The following KCTD1 variants were observed in gnomAD, a reference collection of about 807,000 sequenced individuals.
KCTD1 encodes the protein potassium channel tetramerization domain containing 1.
A neutral mutation model predicts 66.0 loss-of-function variants in KCTD1; 24 were observed. The ratio of observed to expected loss-of-function variants is 0.36; its 90% CI spans 0.26 to 0.51. KCTD1 has a LOEUF of 0.51. KCTD1 is among the 20% of genes least tolerant of loss of function. The pLI, the probability that KCTD1 is intolerant of heterozygous loss-of-function variation, is 0.95. For missense variants in KCTD1, 943 were observed against 1,205.2 expected (o/e 0.78, Z 3.22); for synonymous variants, 511 against 517.2 (o/e 0.99, Z 0.16).
chr18:26,556,856 C>T (rs867966295), intron 1 of KCTD1, among the ~76,000 whole-genome samples: 2 of 152,158 alleles, frequency 1.3e-5, no homozygotes, highest in Non-Finnish European at 2.9e-5. Flanking sequence ...TTTCCACTGC[C>T]TAGAGAAAAC....
intron 1 of KCTD1, among the ~76,000 whole-genome samples, chr18:26,512,173 G>A (rs1264413269): frequency 6.6e-6 from 1 of 151,966 alleles, no homozygotes; most frequent in East Asian, 1.9e-4. Flanking sequence ...GCGCGATCTT[G>A]GCTTACTGCA....
chr18:26,647,752 C>G (rs1472637651), intron 1 of KCTD1, among the ~76,000 whole-genome samples: 1 of 152,002 alleles, frequency 6.6e-6, no homozygotes, highest in East Asian at 1.9e-4. Flanking sequence ...TTTCTTTGAC[C>G]ATTGTGAGTT....
At chr18:26,500,089 C>T (rs116318985) in intron 2 of KCTD1, among the ~76,000 whole-genome samples, 1,841 of 151,948 alleles carry the variant, frequency 0.012, 35 homozygotes, top group African/African-American at 0.042. Context: ...TGAGACCAGT[C>T]TGGGCAACAT....
chr18:26,518,307 T>A (rs1396557511), intron 1 of KCTD1, among the ~76,000 whole-genome samples: 1 of 152,204 alleles, frequency 6.6e-6, no homozygotes, highest in Non-Finnish European at 1.5e-5. Context: ...GCTATAATTT[T>A]TTTTTTTTTG....
chr18:26,553,241 T>A (rs1442155735), upstream of KCTD1, among the ~76,000 whole-genome samples: 4 of 152,294 alleles, frequency 2.6e-5, no homozygotes, highest in East Asian at 7.7e-4. Context: ...CCACCACTCC[T>A]GTCTCAGAGT....
intron 1 of KCTD1, among the ~76,000 whole-genome samples, chr18:26,529,106 C>T (rs942901961): frequency 4.6e-5 from 7 of 152,286 alleles, no homozygotes; most frequent in African/African-American, 1.7e-4. Flanking sequence ...CTAAAGCAGA[C>T]CCATCACAGC....
Position 26,548,315 on chromosome 18 carries a change from G to T in KCTD1, c.222C>A (p.Asp74Glu). 1 of 1,472,982 alleles carries T rather than the reference G, an allele frequency of 6.8e-7. No individual in the cohort carries two copies. The highest frequency in any genetic ancestry group is 2.3e-4 in the Middle Eastern group (1 of 4,314). The allele number at this position is 1,472,982 out of a possible 1,614,324, so 91.2% of individuals were successfully genotyped here. A position where few individuals can be genotyped will look rare whatever the true frequency, so the allele number is the denominator to read the frequency against. ...DEIQEVQITGDEEEEEDGGGG... is the reference protein window; with the variant it reads ...DEIQEVQITGEEEEEEDGGGG... ...CACCTCCGTCCTCCTCCTCCTCCTC[G>T]TCCCCCGTTATCTGCACCTCCTGGA... The change falls in exon 1 of 5, where the codon GAC (aspartate) becomes GAA (glutamate). Residue 74 changes from aspartate to glutamate, a missense_variant. Transcript: ENST00000580059.
chr18:26,599,328 C>T (rs1240580198), intron 1 of KCTD1: 3 of 1,311,408 alleles, frequency 2.3e-6, no homozygotes, highest in African/African-American at 3.0e-5. Flanking sequence ...GGGGGAGAAG[C>T]CGGGAGCGAG....
At chr18:26,615,987 C>T (rs141859383) in intron 1 of KCTD1, among the ~76,000 whole-genome samples, 3,058 of 152,126 alleles carry the variant, frequency 0.02, 77 homozygotes, top group African/African-American at 0.06. Flanking sequence ...GATGGGGTTT[C>T]ACCATGTTGG....
Position 26,614,124 on chromosome 18 carries a change from T to C in KCTD1, c.-16+15023A>G, listed in dbSNP as rs570312805. On this transcript the variant is annotated intron_variant, in intron 1 of 4. Coordinates refer to the KCTD1 transcript ENST00000317932. ...GTTGATCTAACACACATGTGTTTAT[T>C]TATCATCTATCCTCTTCTCCTAGTC... Among the ~76,000 whole-genome samples, 227 of 152,384 alleles carry C rather than the reference T, an allele frequency of 1.5e-3. 1 individual carries two copies. The highest frequency in any genetic ancestry group is 2.4e-3 in the Non-Finnish European group (164 of 68,042).
intron 1 of KCTD1, among the ~76,000 whole-genome samples, chr18:26,521,142 C>A (rs1241893496): frequency 2.6e-5 from 4 of 152,210 alleles, no homozygotes; most frequent in Non-Finnish European, 5.9e-5. Flanking sequence ...AACCTCAGGG[C>A]CCTGAAGGGT....
chr18:26,508,002 G>GA (rs1030865787), intron 1 of KCTD1, among the ~76,000 whole-genome samples: 3 of 151,538 alleles, frequency 2.0e-5, no homozygotes, highest in Non-Finnish European at 2.9e-5. Flanking sequence ...AATAATCTTG[G>GA]AAAAAAAATC....
upstream of KCTD1, chr18:26,548,568 G>A (rs1985394760): frequency 1.4e-5 from 17 of 1,222,970 alleles, no homozygotes; most frequent in Admixed American, 8.7e-5. Flanking sequence ...CTCGGGCAGG[G>A]CGCATGCGCT....
In KCTD1 at chr18:26,468,553, C is replaced by T. The variant is rs938504755; in HGVS notation, c.2133+7962G>A. Among the ~76,000 whole-genome samples, 7 of 152,192 alleles carry T rather than the reference C, an allele frequency of 4.6e-5. No homozygotes were observed. Among genetic ancestry groups the T allele is most frequent in the East Asian group, 1.9e-4 (1 of 5,184 alleles). ...CTCATGCAAAAAACCATGTCCTGGC[C>T]GGGCGCGGTGGCTCACACCTATAAT... On this transcript the variant is annotated intron_variant, in intron 3 of 4. Transcript: ENST00000580059. The surrounding 1 kb of genome is among the most constrained non-coding windows in gnomAD (Gnocchi z 4.8).
chr18:26,646,792 T>C (rs1023814037), intron 1 of KCTD1, among the ~76,000 whole-genome samples: 5 of 152,202 alleles, frequency 3.3e-5, no homozygotes, highest in Non-Finnish European at 7.4e-5. Flanking sequence ...GAACTTCAGC[T>C]AGAAACATTC....
At chr18:26,593,375 AGAGGAGGAGGAAGAAGAG>A (rs1568003536) in intron 1 of KCTD1, among the ~76,000 whole-genome samples, 2 of 55,194 alleles carry the variant, frequency 3.6e-5, no homozygotes, top group Non-Finnish European at 3.4e-5. Flanking sequence ...AGGAGGAGGA[AGAGGAGGAGGAAGAAGAG>A]GAGGAGGAAG....
intron 1 of KCTD1, among the ~76,000 whole-genome samples, chr18:26,607,887 C>T (rs1368887820): frequency 1.3e-5 from 2 of 152,168 alleles, no homozygotes; most frequent in African/African-American, 4.8e-5. Flanking sequence ...CCTGCCTTAG[C>T]CTCCCAAGTA....
intron 1 of KCTD1, among the ~76,000 whole-genome samples, chr18:26,598,650 C>T (rs1424372819): frequency 6.6e-6 from 1 of 152,128 alleles, no homozygotes; most frequent in Non-Finnish European, 1.5e-5. Context: ...ACATCCTAAC[C>T]AACACTTGTT....
At chr18:26,603,732 G>C (rs1986949883) in intron 1 of KCTD1, among the ~76,000 whole-genome samples, 1 of 139,312 alleles carries the variant, frequency 7.2e-6, no homozygotes, top group African/African-American at 2.7e-5. Context: ...GACAGAGTGA[G>C]ACTGTGTCTC....
Sources: allele counts gnomAD v4.1 joint callset (sites outside exome capture counted in the v4.1 genomes callset), GRCh38; gene constraint gnomAD v4.1.1; non-coding constraint Gnocchi (gnomAD v3.1); transcripts MANE v1.5; gene names NCBI Gene and HGNC (gene_info 2026-07-23, HGNC 2026-07-21).